Variants in ADCY9 observed in about 807,000 individuals in gnomAD.
The protein encoded by ADCY9 is adenylate cyclase 9, also known as adenylate cyclase type 9.
Under a neutral mutation model 101.5 loss-of-function variants are expected in ADCY9, and 50 were observed. The observed-to-expected ratio is 0.49, with a 90% CI of 0.39 to 0.62. The LOEUF is 0.62. Ranked by LOEUF, ADCY9 falls within the 20% of genes least tolerant of loss-of-function variation. The probability of loss-of-function intolerance (pLI) is 0.00; values close to 1 mark genes in which losing one functional copy is unlikely to be tolerated. For synonymous variants in ADCY9, 905 were observed against 769.3 expected, an observed-to-expected ratio of 1.18 and a Z score of -2.92; for missense variants, 1,662 against 1,800.4, an observed-to-expected ratio of 0.92 and a Z score of 1.39.
rs145137691 is a variant in ADCY9 at position 4,081,468 on chromosome 16, G to T, written c.1693+32282C>A. On this transcript the variant is annotated intron_variant, in intron 2 of 10. Transcript: ENST00000294016. ...AGTTTAAGAAATACGTTTGTTATAA[G>T]GTTTCTTAACAAGACACATCAGTGA... 4.3e-4 allele frequency among the ~76,000 whole-genome samples: 66 copies of T among 152,302 alleles called. No individual in the cohort carries two copies. In the East Asian group the frequency reaches 0.011, roughly 25 times the overall value.
At chr16:3,988,005 G>C (rs75757972) in intron 6 of ADCY9, among the ~76,000 whole-genome samples, 4,323 of 147,874 alleles carry the variant, frequency 0.029, 204 homozygotes, top group African/African-American at 0.11. Context: ...GGCTGGAGGA[G>C]AGAGATGGGT....
chr16:4,086,413 C>G (rs1194806136), intron 2 of ADCY9, among the ~76,000 whole-genome samples: 1 of 152,004 alleles, frequency 6.6e-6, no homozygotes, highest in African/African-American at 2.4e-5. Context: ...ATCACCCAGG[C>G]CTGTGATGAA....
intron 3 of ADCY9, among the ~76,000 whole-genome samples, chr16:4,005,991 G>A (rs920743731): frequency 1.3e-5 from 2 of 152,182 alleles, no homozygotes; most frequent in Non-Finnish European, 2.9e-5. Context: ...GCCCAGGCAA[G>A]GCGGCTGTCT....
rs988648959 is a variant in ADCY9 at position 4,073,812 on chromosome 16, G to A, written c.1693+39938C>T. ...AAATGTTAAAGGAAGTTTTTCAGTC[G>A]GGAGATGAGACAGAAACCTATAGAT... On this transcript the variant is annotated intron_variant, in intron 2 of 10. Transcript: ENST00000294016. Among the ~76,000 whole-genome samples, 10 of 121,402 alleles carry A rather than the reference G, an allele frequency of 8.2e-5. No homozygotes were observed. The South Asian group carries it at 2.1e-3, about 25-fold the overall frequency. 79.6% of individuals were successfully genotyped at this position (121,402 alleles called of 152,430 possible).
At chr16:4,027,517 G>T (rs2056524273) in intron 2 of ADCY9, among the ~76,000 whole-genome samples, 1 of 152,234 alleles carries the variant, frequency 6.6e-6, no homozygotes, top group South Asian at 2.1e-4. Context: ...GCAAGGAGGA[G>T]CAAGTCACGT....
intron 2 of ADCY9, among the ~76,000 whole-genome samples, chr16:4,107,588 G>C (rs930150707): frequency 5.4e-5 from 8 of 147,436 alleles, no homozygotes; most frequent in Non-Finnish European, 8.9e-5. Context: ...AGAATGCAGT[G>C]CAGGTCAACA....
intron 2 of ADCY9, among the ~76,000 whole-genome samples, chr16:4,025,929 A>G (rs34904907): frequency 0.052 from 7,942 of 152,234 alleles, 276 homozygotes; most frequent in Non-Finnish European, 0.083. Flanking sequence ...AGTATCTAAA[A>G]TCTTCCAGAT....
chr16:4,038,857 C>T (rs1201792498), intron 2 of ADCY9, among the ~76,000 whole-genome samples: 2 of 152,100 alleles, frequency 1.3e-5, no homozygotes, highest in African/African-American at 2.4e-5. Context: ...CCCTGAATGT[C>T]TCTCGGGCCC....
intron 2 of ADCY9, among the ~76,000 whole-genome samples, chr16:4,043,401 C>T (rs1395985515): frequency 6.6e-5 from 10 of 151,940 alleles, no homozygotes; most frequent in Non-Finnish European, 1.3e-4. Flanking sequence ...TGGCCCGGCG[C>T]GGTGGCTCAC....
At position 3,985,284 on chromosome 16, in the gene ADCY9, C is replaced by G. The variant is rs866194061; in HGVS notation, c.2311-1844G>C. Among the ~76,000 whole-genome samples the G allele has an allele frequency of 1.4e-3, 209 of 152,178 alleles. 1 individual carries two copies. The highest frequency in any genetic ancestry group is 4.9e-3 in the African/African-American group (204 of 41,518). Reference sequence around the variant, plus strand: ...CCTCTGGAGTAGCTGGGAGGACAGGCACCCGCCACCACGCCCAGCTAATTT... The same window carrying G: ...CCTCTGGAGTAGCTGGGAGGACAGGGACCCGCCACCACGCCCAGCTAATTT... On this transcript the variant is annotated intron_variant, in intron 6 of 10. Coordinates refer to ENST00000294016, the MANE Select transcript of ADCY9 (RefSeq NM_001116.4).
intron 2 of ADCY9, among the ~76,000 whole-genome samples, chr16:4,061,431 A>C (rs956060475): frequency 6.6e-6 from 1 of 152,226 alleles, no homozygotes; most frequent in Non-Finnish European, 1.5e-5. Context: ...AAACTGCTGG[A>C]AGCCAAAAAC....
chr16:4,087,865 CT>C (rs1035401950), intron 2 of ADCY9, among the ~76,000 whole-genome samples: 1 of 150,138 alleles, frequency 6.7e-6, no homozygotes, highest in Non-Finnish European at 1.5e-5. Context: ...CTTTGTTTCT[CT>C]TTGTTTCTGT....
In ADCY9 at chr16:4,114,731, T is replaced by C; in HGVS notation, c.712A>G (p.Met238Val). ...IEVLFLLYTV[M>V]HLPLYLSLCL... ...AAACTCAGGTACAAAGGTAAGTGCA[T>C]GACGGTATAGAGCAAAAAGAGCACT... Residue 238 changes from methionine (M) to valine (V), a missense_variant, in exon 2 of 11, where the codon ATG (methionine) becomes GTG (valine). Met to Val is a conservative substitution (Grantham distance 21, BLOSUM62 1). Transcript: ENST00000294016. This position sits in a 1 kb window ranked among gnomAD's most constrained non-coding sequence, Gnocchi z 4.3. 3.1e-6 allele frequency: 5 copies of C among 1,613,126 alleles called. No individual in the cohort carries two copies. Among genetic ancestry groups the C allele is most frequent in the South Asian group, 1.1e-5 (1 of 91,086 alleles).
At chr16:4,034,113 C>A (rs1390651711) in intron 2 of ADCY9, among the ~76,000 whole-genome samples, 2 of 152,080 alleles carry the variant, frequency 1.3e-5, no homozygotes, top group African/African-American at 4.8e-5. Flanking sequence ...GATCAGAGAC[C>A]ACGTGCATGA....
chr16:3,976,519 G>C (rs2056093856), intron 9 of ADCY9, among the ~76,000 whole-genome samples: 1 of 152,228 alleles, frequency 6.6e-6, no homozygotes, highest in South Asian at 2.1e-4. Flanking sequence ...CCATTCCTCA[G>C]CACCTACCAG....
At chr16:3,955,279 C>T (rs543011799) in intron 5 of ADCY9, among the ~76,000 whole-genome samples, 1 of 151,424 alleles carries the variant, frequency 6.6e-6, no homozygotes, top group South Asian at 2.1e-4. Context: ...CATCCCAGCA[C>T]TTTGGGAGGT....
rs374379081 is a variant in ADCY9 at position 4,102,808 on chromosome 16, G to A, written c.1693+10942C>T. 1.1e-4 allele frequency among the ~76,000 whole-genome samples: 17 copies of A among 152,184 alleles called. 1 individual carries two copies. In the South Asian group the frequency reaches 3.1e-3, roughly 28 times the overall value. ...GCCATCTCGGCTCACTGCAGCCTCC[G>A]CCTCCCAGGTTCAAGTGATTCTCCT... On this transcript the variant is annotated intron_variant, in intron 2 of 10. Transcript: ENST00000294016.
At chr16:4,013,536 A>G (rs962363144) in intron 2 of ADCY9, among the ~76,000 whole-genome samples, 2 of 152,240 alleles carry the variant, frequency 1.3e-5, no homozygotes, top group Non-Finnish European at 2.9e-5. Flanking sequence ...CACATAGCAT[A>G]ACAAATGCCT....
intron 5 of ADCY9, 29 bp from the exon 6 acceptor site, chr16:3,989,125 A>G: frequency 6.7e-7 from 1 of 1,503,686 alleles, no homozygotes; most frequent in Non-Finnish European, 9.3e-7. Flanking sequence ...GCAGTCGATC[A>G]ATACCCAGCA....
Sources: allele counts gnomAD v4.1 joint callset (sites outside exome capture counted in the v4.1 genomes callset), GRCh38; gene constraint gnomAD v4.1.1; non-coding constraint Gnocchi (gnomAD v3.1); transcripts MANE v1.5; gene names NCBI Gene and HGNC (gene_info 2026-07-23, HGNC 2026-07-21).